PPAT: variants seen among roughly 807,000 people sequenced by gnomAD.
PPAT encodes phosphoribosyl pyrophosphate amidotransferase.
A neutral mutation model predicts 60.2 loss-of-function variants in PPAT; 20 were observed. The observed-to-expected ratio is 0.33, with a 90% CI of 0.23 to 0.48. PPAT has a LOEUF of 0.48. Among genes scored for constraint, PPAT ranks in the 20% least tolerant of loss-of-function variants. The pLI is 0.99. For synonymous variants in PPAT, 194 were observed against 215.1 expected (o/e 0.90, Z 0.86); for missense variants, 349 against 629.6 (o/e 0.55, Z 4.77).
chr4:56,398,910 C>T (rs1458592177), intron 9 of PPAT, among the ~76,000 whole-genome samples: 3 of 152,102 alleles, frequency 2.0e-5, no homozygotes, highest in African/African-American at 7.2e-5. Flanking sequence ...CCTCAGGCTC[C>T]CAAAGTACTG....
chr4:56,432,756 C>T (rs1406938749), intron 1 of PPAT, among the ~76,000 whole-genome samples: 2 of 147,782 alleles, frequency 1.4e-5, no homozygotes, highest in Admixed American at 1.4e-4. Context: ...CTGAACTCCA[C>T]CCCAGCCTGG....
chr4:56,427,417 AACT>A (rs1017672064), intron 1 of PPAT, among the ~76,000 whole-genome samples: 44 of 152,188 alleles, frequency 2.9e-4, no homozygotes, highest in African/African-American at 9.7e-4. Context: ...GTTTCTGAGG[AACT>A]ACCTGTTTTC....
rs1716123736 is a variant in PPAT, at chr4:56,401,991, T to C, written c.734+118A>G. ...ATGCATAAGAAAAACCATTTATAAA[T>C]ATTTTCTTGCAGACATCAAAAAGAA... On this transcript the variant is annotated intron_variant, in intron 6 of 10. Coordinates refer to ENST00000264220, the MANE Select transcript of PPAT (RefSeq NM_002703.5). 5.6e-6 allele frequency: 4 copies of C among 714,812 alleles called. No individual in the cohort carries two copies. In the South Asian group the frequency reaches 7.2e-5, roughly 13 times the overall value. The allele number at this position is 714,812 out of a possible 1,614,324, so 44.3% of individuals were successfully genotyped here. A position where few individuals can be genotyped will look rare whatever the true frequency, so the allele number is the denominator to read the frequency against.
chr4:56,426,418 G>C (rs941896805), intron 1 of PPAT, among the ~76,000 whole-genome samples: 1 of 151,290 alleles, frequency 6.6e-6, no homozygotes, highest in Non-Finnish European at 1.5e-5. Context: ...AAAAAAGAAA[G>C]AAACCCCATA....
At chr4:56,420,012 G>C (rs1716958983) in intron 1 of PPAT, 2 of 985,042 alleles carry the variant, frequency 2.0e-6, no homozygotes, top group Admixed American at 6.2e-5. Flanking sequence ...ACATGTCACA[G>C]AATGTGCCAA....
At chr4:56,398,931 C>A (rs62309277) in intron 9 of PPAT, among the ~76,000 whole-genome samples, 1,876 of 152,286 alleles carry the variant, frequency 0.012, 16 homozygotes, top group South Asian at 0.021. Context: ...GGATTACAGG[C>A]ATGAGCTACC....
intron 1 of PPAT, among the ~76,000 whole-genome samples, chr4:56,424,163 C>T (rs1480845836): frequency 1.3e-5 from 2 of 152,086 alleles, no homozygotes; most frequent in East Asian, 3.9e-4. Flanking sequence ...AAAACCAGTC[C>T]CCCAAAAGTA....
At chr4:56,422,486 T>C (rs1578132465) in intron 1 of PPAT, 1 of 18,038 alleles carries the variant, frequency 5.5e-5, no homozygotes, top group Non-Finnish European at 1.5e-4. Context: ...TTTGTACGTG[T>C]GTGTGTGTGT....
Position 56,395,402 on chromosome 4 carries a change from G to T in PPAT, c.1504C>A (p.His502Asn), listed in dbSNP as rs144451574. 827 of 1,610,488 alleles carry T rather than the reference G, an allele frequency of 5.1e-4. 4 individuals carry two copies. In the African/African-American group the frequency reaches 9.9e-3, roughly 19 times the overall value. The change falls in exon 11 of 11, where the codon CAT (histidine) becomes AAT (asparagine). Residue 502 changes from histidine (H) to asparagine (N), a missense_variant. Transcript: ENST00000264220. Reference protein sequence around the residue: ...NGLECFEKSGHCTACLTGKYP... With the variant: ...NGLECFEKSGNCTACLTGKYP... ...TTTCCAGTGAGACAAGCTGTACAAT[G>T]ACCACTCTTTTCAAAACATTCCAGA... is the stretch of plus-strand genomic sequence containing the variant.
chr4:56,415,174 A>T (rs1200612359), intron 1 of PPAT, among the ~76,000 whole-genome samples: 7 of 152,224 alleles, frequency 4.6e-5, no homozygotes, highest in Non-Finnish European at 8.8e-5. Context: ...TTGATATATT[A>T]ATGTAAAATA....
chr4:56,415,815 A>T (rs1009328300), intron 1 of PPAT, among the ~76,000 whole-genome samples: 1 of 152,148 alleles, frequency 6.6e-6, no homozygotes, highest in African/African-American at 2.4e-5. Flanking sequence ...AGTGGCTCAC[A>T]CCTGTAATCC....
intron 8 of PPAT, chr4:56,400,420 A>G (rs1012337152): frequency 1.2e-5 from 2 of 161,192 alleles, no homozygotes; most frequent in Admixed American, 1.3e-4. Flanking sequence ...TCAGTATTTA[A>G]GTTTGGGGGC....
chr4:56,396,875 G>T lies in PPAT; in HGVS notation c.1237-136C>A, dbSNP rs1376854417. Reference sequence around the variant, plus strand: ...AATAAATTATTCTTTCTACAAAGCTGCTTCTTGGTTTTTTTTTTCTTTCAC... The same window carrying T: ...AATAAATTATTCTTTCTACAAAGCTTCTTCTTGGTTTTTTTTTTCTTTCAC... On this transcript the variant is annotated intron_variant, in intron 9 of 10. Coordinates refer to ENST00000264220, the MANE Select transcript of PPAT (RefSeq NM_002703.5). This position sits in a 1 kb window ranked among gnomAD's most constrained non-coding sequence, Gnocchi z 4.6. The T allele has an allele frequency of 5.9e-6, 5 of 853,272 alleles. No homozygotes were observed. The highest frequency in any genetic ancestry group is 1.8e-5 in the African/African-American group (1 of 56,322). The allele number at this position is 853,272 out of a possible 1,614,324, so 52.9% of individuals were successfully genotyped here.
chr4:56,428,428 A>G (rs987877776), intron 1 of PPAT, among the ~76,000 whole-genome samples: 3 of 152,220 alleles, frequency 2.0e-5, no homozygotes, highest in African/African-American at 4.8e-5. Context: ...CAGAAGATTA[A>G]TTAATGCAGT....
chr4:56,399,723 G>A, intron 8 of PPAT: 1 of 183,744 alleles, frequency 5.4e-6, no homozygotes, highest in Non-Finnish European at 1.1e-5. Context: ...TTAAAGAAAT[G>A]AATTAAAATA....
intron 1 of PPAT, chr4:56,422,334 A>G (rs1288733305): frequency 1.3e-5 from 2 of 152,114 alleles, no homozygotes; most frequent in Non-Finnish European, 2.9e-5. Flanking sequence ...TAAAAAGCCA[A>G]TATATATCCC....
At chr4:56,435,233 T>A in intron 1 of PPAT, 117 bp downstream of exon 1, 1 of 1,464,692 alleles carries the variant, frequency 6.8e-7, no homozygotes. Flanking sequence ...AGGTACTGGC[T>A]TAGGTCGGAG....
chr4:56,403,229 C>A (rs1716162362), intron 4 of PPAT, 44 bp from the exon 5 acceptor site: 1 of 1,598,242 alleles, frequency 6.3e-7, no homozygotes, highest in Non-Finnish European at 8.6e-7. Context: ...CAGTTATAAA[C>A]ATATGCAAGG....
rs1336579709 is a variant in PPAT at position 56,395,049 on chromosome 4, C to CT, written c.*302dup. 3 of 290,188 alleles carry CT rather than the reference C, an allele frequency of 1.0e-5. No individual in the cohort carries two copies. The highest frequency in any genetic ancestry group is 1.9e-5 in the Non-Finnish European group (3 of 157,670). 18.0% of individuals were successfully genotyped at this position (290,188 alleles called of 1,614,324 possible). A position where few individuals can be genotyped will look rare whatever the true frequency, so the allele number is the denominator to read the frequency against. On this transcript the variant is annotated 3_prime_UTR_variant, in exon 11 of 11. Coordinates refer to ENST00000264220, the MANE Select transcript of PPAT (RefSeq NM_002703.5). The stretch of plus-strand genomic sequence containing the variant: ...CCTTAACCCTAACTTCTTGCAAACC[C>CT]TTTAAAGCATGGACTTGGGAAATGT...
Sources: gnomAD v4.1 joint callset for allele counts (sites outside exome capture counted in the v4.1 genomes callset) on GRCh38, gnomAD v4.1.1 for gene constraint, Gnocchi (gnomAD v3.1) non-coding constraint, MANE v1.5 for transcripts, NCBI Gene and HGNC (gene_info 2026-07-23, HGNC 2026-07-21) for gene names.